FLII: variants seen among roughly 807,000 people sequenced by gnomAD.
FLII encodes the protein protein flightless-1 homolog.
Under a neutral mutation model 156.2 loss-of-function variants are expected in FLII, and 101 were observed. The observed-to-expected ratio is 0.65, with a 90% confidence interval of 0.55 to 0.76. FLII has a LOEUF of 0.76. Among genes scored for constraint, FLII ranks in the 30% least tolerant of loss-of-function variants. FLII has a pLI of 0.00. For synonymous variants in FLII, 767 were observed against 685.8 expected (o/e 1.12, Z -1.85); for missense variants, 1,675 against 1,682.8 (o/e 1.00, Z 0.08).
chr17:18,248,863 C>A lies in FLII; in HGVS notation c.1955G>T (p.Arg652Leu). 6.2e-7 allele frequency: 1 copy of A among 1,613,938 alleles called. No homozygotes were observed. Among genetic ancestry groups the A allele is most frequent in the Non-Finnish European group, 8.5e-7 (1 of 1,179,916 alleles). ...CCGCCATACGTAGATGTCTAGCCCT[C>A]GGTCCAGCAGGAAAACAAACCTGGA... ...LDPRFVFLLDRGLDIYVWRGA... is the reference protein window; with the variant it reads ...LDPRFVFLLDLGLDIYVWRGA... The change falls in exon 17 of 30, where the codon CGA becomes CTA. Residue 652 changes from arginine to leucine, a missense_variant. Around this residue, in one of 2 missense-constraint regions of FLII, gnomAD observed 1,332 missense variants for 1,269.3 expected, o/e 1.05. Transcript: ENST00000327031.
intron 14 of FLII, 59 bp downstream of exon 14, chr17:18,250,779 T>C (rs2048237057): frequency 6.4e-7 from 1 of 1,559,962 alleles, no homozygotes; most frequent in Non-Finnish European, 8.7e-7. Context: ...CCACTGCCCC[T>C]GCACCAGAGT....
chr17:18,256,192 G>A (rs527738540), intron 3 of FLII, among the ~76,000 whole-genome samples: 12 of 152,380 alleles, frequency 7.9e-5, no homozygotes, highest in African/African-American at 2.9e-4. Flanking sequence ...TTAGTGGAGG[G>A]CTAGAGCATA....
chr17:18,255,242 T>C lies in FLII; in HGVS notation c.268A>G (p.Ser90Gly). The C allele has an allele frequency of 1.9e-6, 3 of 1,614,042 alleles. No individual in the cohort carries two copies. Among genetic ancestry groups the C allele is most frequent in the Non-Finnish European group, 2.5e-6 (3 of 1,179,930 alleles). The change falls in exon 4 of 30, where the codon AGT becomes GGT. Residue 90 changes from serine (S) to glycine (G), a missense_variant. By Grantham distance (56) the Ser-to-Gly change is moderately conservative (BLOSUM62 0). Coordinates refer to ENST00000327031, the MANE Select transcript of FLII (RefSeq NM_002018.4). ...SLRAIVARAN[S>G]LKNSGVPDDI... The stretch of plus-strand genomic sequence containing the variant: ...TCGGGGACTCCGGAATTCTTCAGAC[T>C]GTTGGCTCGGGCCACGATGGCCTGG...
Position 18,251,785 on chromosome 17 carries a change from G to C in FLII, c.1278C>G (p.Arg426=). The change falls in exon 12 of 30, where the codon CGC becomes CGG. Residue 426 remains arginine, a synonymous_variant. Coordinates refer to ENST00000327031, the MANE Select transcript of FLII (RefSeq NM_002018.4). ...AGSGPKDPMA[R]KMRLRRRKDS... ...CCTTGCGCCTCCGCAGTCGCATCTT[G>C]CGAGCCATAGGGTCCTTGGGCCCAC... is the stretch of plus-strand genomic sequence containing the variant. 1 of 1,613,772 alleles carries C rather than the reference G, an allele frequency of 6.2e-7. No homozygotes were observed.
chr17:18,245,680 G>A lies in FLII; in HGVS notation c.3504-20C>T. The A allele has an allele frequency of 6.2e-7, 1 of 1,612,962 alleles. No individual in the cohort carries two copies. The highest frequency in any genetic ancestry group is 8.5e-7 in the Non-Finnish European group (1 of 1,179,196). ...GAGCACCTGGGAATCAAGGGTCAAG[G>A]TGAGGCCAGAGGTCATAAGCAGCAG... On this transcript the variant is annotated intron_variant, in intron 27 of 29. Transcript: ENST00000327031.
At position 18,245,076 on chromosome 17, in the gene FLII, A is replaced by T. The variant is rs1439203959; in HGVS notation, c.*62T>A. On this transcript the variant is annotated 3_prime_UTR_variant, in exon 30 of 30. Transcript: ENST00000327031. ...GTGTCACCTGAGTACATTCTTTGCT[A>T]GCAGACAGTGGATGAGGCCCCTTCC... 1 of 1,549,976 alleles carries T rather than the reference A, an allele frequency of 6.5e-7. No homozygotes were observed. The highest frequency in any genetic ancestry group is 2.3e-5 in the East Asian group (1 of 44,152).
At position 18,246,159 on chromosome 17, in the gene FLII, C is replaced by G. The variant is rs2048044059; in HGVS notation, c.3267+3G>C. The G allele has an allele frequency of 3.1e-6, 5 of 1,614,066 alleles. No individual in the cohort carries two copies. Among genetic ancestry groups the G allele is most frequent in the Non-Finnish European group, 4.2e-6 (5 of 1,180,044 alleles). ...GAGTCCTGGCTCACACCCACAACCC[C>G]ACCTTGAGGATGAAGCAGAACTCGG... On this transcript the variant is annotated splice_donor_region_variant and intron_variant, in intron 25 of 29. Coordinates refer to ENST00000327031, the MANE Select transcript of FLII (RefSeq NM_002018.4).
rs1357373979 is a variant in FLII, at chr17:18,245,736, G to A, written c.3503+8C>T. On this transcript the variant is annotated splice_region_variant and intron_variant, in intron 27 of 29. Transcript: ENST00000327031. ...GGACTGAGGGGAGGGTCAGGGCCCT[G>A]GCCTCACCGGAAGAGACGTGTGTGT... 1 of 1,613,082 alleles carries A rather than the reference G, an allele frequency of 6.2e-7. No individual in the cohort carries two copies. Among genetic ancestry groups the A allele is most frequent in the African/African-American group, 1.3e-5 (1 of 74,986 alleles).
intron 1 of FLII, among the ~76,000 whole-genome samples, chr17:18,257,920 T>C (rs1487495221): frequency 6.6e-6 from 1 of 152,186 alleles, no homozygotes; most frequent in African/African-American, 2.4e-5. Flanking sequence ...AGGCAATGCC[T>C]GTCTCATTCT....
At position 18,246,702 on chromosome 17, in the gene FLII, C is replaced by T. The variant is rs1400321528; in HGVS notation, c.2943G>A (p.Gln981=). The T allele has an allele frequency of 1.2e-6, 2 of 1,613,490 alleles. No homozygotes were observed. The highest frequency in any genetic ancestry group is 1.3e-5 in the African/African-American group (1 of 74,906). ...AEEKQPEEDF[Q]CIVYFWQGRE... ...GGCCCTGCCAGAAGTACACGATGCA[C>T]TGGAAGTCCTCCTCTGGCTGCTTCT... Residue 981 remains glutamine, a synonymous_variant, in exon 23 of 30, where the codon CAG becomes CAA. Coordinates refer to ENST00000327031, the MANE Select transcript of FLII (RefSeq NM_002018.4).
intron 21 of FLII, 47 bp downstream of exon 21, chr17:18,247,122 T>TGGGGGGGGGGGGGGGGGGGGGG: frequency 2.0e-6 from 2 of 1,011,422 alleles, no homozygotes; most frequent in Non-Finnish European, 1.3e-6. Context: ...GCCCTCGGCC[T>TGGGGGGGGGGGGGGGGGGGGGG]GCCCCCCACC....
rs1396895710 is a variant in FLII, at chr17:18,246,423, GGA to G, written c.3089_3090del (p.Phe1030SerfsTer63). On this transcript the variant is annotated frameshift_variant, in exon 24 of 30. Transcript: ENST00000327031. LOFTEE classifies it high-confidence loss of function. ...RMTQQQENPKFLSHFKRKFII... is the reference protein window; with the variant it reads ...RMTQQQENPKXLSHFKRKFII... ...ATGAACTTCCTCTTGAAATGGGACA[GGA>G]ACTTGGGGTTCTCCTGCTGCTGCGT... 5 of 1,614,024 alleles carry G rather than the reference GGA, an allele frequency of 3.1e-6. No individual in the cohort carries two copies.
intron 4 of FLII, 127 bp downstream of exon 4, chr17:18,255,056 T>C (rs969685084): frequency 1.1e-6 from 1 of 930,622 alleles, no homozygotes; most frequent in Non-Finnish European, 1.8e-6. Flanking sequence ...GGCAAGGTAT[T>C]ATCCACTCCA....
chr17:18,252,424 A>AC, intron 10 of FLII, 48 bp downstream of exon 10: 1 of 1,566,116 alleles, frequency 6.4e-7, no homozygotes, highest in African/African-American at 1.4e-5. Context: ...TCCAGGGCAC[A>AC]CCCCTTGCTT....
chr17:18,253,732 G>A lies in FLII; in HGVS notation c.680-13C>T. The A allele has an allele frequency of 6.3e-7, 1 of 1,592,752 alleles. No homozygotes were observed. Among genetic ancestry groups the A allele is most frequent in the South Asian group, 1.1e-5 (1 of 89,458 alleles). On this transcript the variant is annotated splice_polypyrimidine_tract_variant and intron_variant, in intron 7 of 29. Coordinates refer to ENST00000327031, the MANE Select transcript of FLII (RefSeq NM_002018.4). ...GACAGATCCACGTCTGGGGTGCAGG[G>A]TGGGGTGCATCAGCTGGGGCCCATA...
At chr17:18,248,747 G>C in intron 17 of FLII, 26 bp from the exon 18 acceptor site, 1 of 1,614,006 alleles carries the variant, frequency 6.2e-7, no homozygotes, top group Non-Finnish European at 8.5e-7. Context: ...AAAGTCATCA[G>C]CGAGGCTCAC....
At chr17:18,254,226 G>C (rs762090199) in intron 6 of FLII, 44 bp from the exon 7 acceptor site, 2 of 1,482,906 alleles carry the variant, frequency 1.3e-6, no homozygotes, top group South Asian at 1.2e-5. Flanking sequence ...CCCACCTAGG[G>C]AGTGTTAAGG....
intron 17 of FLII, 32 bp downstream of exon 17, chr17:18,248,768 T>C (rs2048167701): frequency 6.2e-7 from 1 of 1,613,994 alleles, no homozygotes. Flanking sequence ...ACCCCTTTCC[T>C]TCACACAAAA....
chr17:18,245,066 A>ATTCTT lies in FLII; in HGVS notation c.*67_*71dup. ...GGAGCAGGTGGTGTCACCTGAGTAC[A>ATTCTT]TTCTTTGCTAGCAGACAGTGGATGA... is the stretch of plus-strand genomic sequence containing the variant. On this transcript the variant is annotated 3_prime_UTR_variant, in exon 30 of 30. Coordinates refer to ENST00000327031, the MANE Select transcript of FLII (RefSeq NM_002018.4). The ATTCTT allele has an allele frequency of 1.3e-6, 2 of 1,530,670 alleles. No homozygotes were observed. Among genetic ancestry groups the ATTCTT allele is most frequent in the Non-Finnish European group, 1.8e-6 (2 of 1,126,988 alleles). The allele number at this position is 1,530,670 out of a possible 1,614,324, so 94.8% of individuals were successfully genotyped here. A position where few individuals can be genotyped will look rare whatever the true frequency, so the allele number is the denominator to read the frequency against.
Sources: allele counts gnomAD v4.1 joint callset (sites outside exome capture counted in the v4.1 genomes callset), GRCh38; gene constraint gnomAD v4.1.1; regional missense constraint gnomAD v4.1.1; transcripts MANE v1.5; gene names NCBI Gene and HGNC (gene_info 2026-07-23, HGNC 2026-07-21).